Variants in ZZZ3 observed in about 807,000 individuals in gnomAD.
ZZZ3 encodes zinc finger ZZ-type containing 3, also known as ZZ-type zinc finger-containing protein 3.
In ZZZ3, 22 loss-of-function variants were observed where a neutral mutation model predicts 95.2. The ratio of observed to expected loss-of-function variants is 0.23; its 90% CI spans 0.17 to 0.33. The LOEUF is 0.33. ZZZ3 is among the 10% of genes least tolerant of loss of function. The pLI is 1.00. For synonymous variants in ZZZ3, 335 were observed against 358.9 expected (o/e 0.93, Z 0.75); for missense variants, 885 against 1,066.5 (o/e 0.83, Z 2.37).
chr1:77,570,300 T>C (rs900481546), intron 12 of ZZZ3, among the ~76,000 whole-genome samples: 5 of 152,178 alleles, frequency 3.3e-5, no homozygotes, highest in Non-Finnish European at 5.9e-5. Flanking sequence ...AGACGGGGTT[T>C]CACCGTGTTA....
At chr1:77,587,956 T>G (rs903887000) in intron 5 of ZZZ3, among the ~76,000 whole-genome samples, 4 of 152,248 alleles carry the variant, frequency 2.6e-5, no homozygotes, top group Non-Finnish European at 5.9e-5. Context: ...TAACATCTTC[T>G]GTTTTCTAGC....
At chr1:77,599,362 T>C (rs1449281709) in intron 5 of ZZZ3, among the ~76,000 whole-genome samples, 1 of 152,048 alleles carries the variant, frequency 6.6e-6, no homozygotes, top group Non-Finnish European at 1.5e-5. Flanking sequence ...TGAATATACA[T>C]TAGTTATGAT....
intron 1 of ZZZ3, among the ~76,000 whole-genome samples, chr1:77,659,761 G>C (rs2101008070): frequency 6.7e-6 from 1 of 148,334 alleles, no homozygotes; most frequent in South Asian, 2.2e-4. Context: ...AAAAAAAAAA[G>C]TTCCTTTTAA....
At chr1:77,597,260 T>G (rs138161584) in intron 5 of ZZZ3, among the ~76,000 whole-genome samples, 2 of 152,216 alleles carry the variant, frequency 1.3e-5, no homozygotes, top group East Asian at 3.9e-4. Flanking sequence ...AGTACCACAT[T>G]ATAATCCAAA....
At chr1:77,638,781 A>G (rs903335519) in intron 4 of ZZZ3, among the ~76,000 whole-genome samples, 27 of 152,230 alleles carry the variant, frequency 1.8e-4, no homozygotes, top group African/African-American at 5.8e-4. Context: ...TGTAACCAAT[A>G]TGATTCTTTT....
rs756440222 is a variant in ZZZ3, at chr1:77,580,962, T to C, written c.1980+36A>G. On this transcript the variant is annotated intron_variant, in intron 9 of 14. Coordinates refer to ENST00000370801, the MANE Select transcript of ZZZ3 (RefSeq NM_015534.6). ...ACTCTGATGTTAACTGTTTACTTGTTTTTTTAAGCCTACACGATTTTGAAA... is the reference window on the plus strand; with the variant it reads ...ACTCTGATGTTAACTGTTTACTTGTCTTTTTAAGCCTACACGATTTTGAAA... 6 of 1,574,876 alleles carry C rather than the reference T, an allele frequency of 3.8e-6. No individual in the cohort carries two copies. The Admixed American group carries it at 1.0e-4, about 26-fold the overall frequency.
intron 5 of ZZZ3, among the ~76,000 whole-genome samples, chr1:77,628,993 C>T (rs949453696): frequency 4.6e-5 from 7 of 152,096 alleles, no homozygotes; most frequent in Non-Finnish European, 8.8e-5. Context: ...CTTCAAGTGC[C>T]TTTTTTTAAA....
intron 1 of ZZZ3, among the ~76,000 whole-genome samples, chr1:77,668,113 A>T (rs917120602): frequency 6.6e-6 from 1 of 152,060 alleles, no homozygotes; most frequent in African/African-American, 2.4e-5. Flanking sequence ...TTTACTTATG[A>T]GGAAGTCATA....
chr1:77,641,683 C>T, intron 1 of ZZZ3, 28 bp from the exon 2 acceptor site: 1 of 397,068 alleles, frequency 2.5e-6, no homozygotes, highest in Admixed American at 4.4e-5. Context: ...AATATAGTCA[C>T]TATAGATGTG....
At chr1:77,658,643 C>T (rs1423157334) in intron 1 of ZZZ3, among the ~76,000 whole-genome samples, 3 of 152,044 alleles carry the variant, frequency 2.0e-5, no homozygotes, top group African/African-American at 4.8e-5. Flanking sequence ...GGATTACAGG[C>T]GTGAGCCACA....
chr1:77,614,857 T>C (rs1666156686), intron 5 of ZZZ3: 3 of 152,170 alleles, frequency 2.0e-5, no homozygotes, highest in Admixed American at 2.0e-4. Context: ...AAAATATAAA[T>C]AGAACATTCA....
Position 77,632,724 on chromosome 1 carries a change from C to T in ZZZ3, c.631G>A (p.Ala211Thr), listed in dbSNP as rs116097859. ...AVNGVDDSDS[A>T]VINCDDCQPD... ...TGACAGTCATCACAGTTTATAACAG[C>T]TGAATCACTGTCATCAACACCATTG... Residue 211 changes from alanine to threonine, a missense_variant, in exon 5 of 15, where the codon GCT becomes ACT. Around this residue, in one of 5 missense-constraint regions of ZZZ3, gnomAD observed 556 missense variants for 652.9 expected, o/e 0.85. Transcript: ENST00000370801. The T allele has an allele frequency of 1.2e-4, 199 of 1,614,182 alleles. No homozygotes were observed. The African/African-American group carries it at 2.2e-3, about 18-fold the overall frequency.
In ZZZ3 at chr1:77,582,233, T is replaced by C. The variant is rs1336608479; in HGVS notation, c.1645-107A>G. The C allele has an allele frequency of 4.3e-6, 4 of 929,618 alleles. No homozygotes were observed. The African/African-American group carries it at 5.0e-5, about 12-fold the overall frequency. The allele number at this position is 929,618 out of a possible 1,614,324, so 57.6% of individuals were successfully genotyped here. A position where few individuals can be genotyped will look rare whatever the true frequency, so the allele number is the denominator to read the frequency against. On this transcript the variant is annotated intron_variant, in intron 6 of 14. Coordinates refer to ENST00000370801, the MANE Select transcript of ZZZ3 (RefSeq NM_015534.6). ...GATGACTCCAAATCCAAATAATCAA[T>C]GGGGCATTTCTATTCATGTTTAAAT...
chr1:77,598,672 T>C (rs940773080), intron 5 of ZZZ3, among the ~76,000 whole-genome samples: 5 of 152,188 alleles, frequency 3.3e-5, no homozygotes, highest in Non-Finnish European at 7.4e-5. Context: ...TGGTTAAACA[T>C]TAAGACATAG....
chr1:77,577,536 T>C (rs1298498592), intron 11 of ZZZ3, among the ~76,000 whole-genome samples: 2 of 152,216 alleles, frequency 1.3e-5, no homozygotes, highest in African/African-American at 2.4e-5. Context: ...TTTTTTTTAA[T>C]GTGTAAAACA....
At chr1:77,611,564 G>T (rs562342585) in intron 5 of ZZZ3, among the ~76,000 whole-genome samples, 2 of 151,640 alleles carry the variant, frequency 1.3e-5, no homozygotes, top group Admixed American at 6.6e-5. Context: ...ACCCAAAGCC[G>T]GAAGCATCAC....
Position 77,632,745 on chromosome 1 carries a change from C to G in ZZZ3, c.610G>C (p.Gly204Arg). 6.2e-7 allele frequency: 1 copy of G among 1,614,190 alleles called. No individual in the cohort carries two copies. The highest frequency in any genetic ancestry group is 1.3e-5 in the African/African-American group (1 of 75,054). The change falls in exon 5 of 15, where the codon GGT becomes CGT. Residue 204 changes from glycine to arginine, a missense_variant. Transcript: ENST00000370801. ...ACAGCTGAATCACTGTCATCAACAC[C>G]ATTGACAGCCAAATAGCCTGTGATT... ...EEITGYLAVN[G>R]VDDSDSAVIN... is the part of the protein sequence containing the mutation.
In ZZZ3 at chr1:77,576,111, G is replaced by A. The variant is rs754071323; in HGVS notation, c.2288C>T (p.Ser763Phe). 6.2e-7 allele frequency: 1 copy of A among 1,612,548 alleles called. No individual in the cohort carries two copies. Among genetic ancestry groups the A allele is most frequent in the South Asian group, 1.1e-5 (1 of 90,698 alleles). The change falls in exon 12 of 15, where the codon TCT (serine) becomes TTT (phenylalanine). Residue 763 changes from serine to phenylalanine, a missense_variant. Ser to Phe is a radical substitution (Grantham distance 155). Coordinates refer to ENST00000370801, the MANE Select transcript of ZZZ3 (RefSeq NM_015534.6). ...AGTGTTCATGTGGCTATGAAAACAA[G>A]ATCGGTCATCATCTTCATCCATATA... ...PVYMDEDDDR[S>F]CFHSHMNTAV...
In ZZZ3 at chr1:77,576,270, G is replaced by A. The variant is rs374693281; in HGVS notation, c.2179-50C>T. On this transcript the variant is annotated intron_variant, in intron 11 of 14. Coordinates refer to ENST00000370801, the MANE Select transcript of ZZZ3 (RefSeq NM_015534.6). ...TTGGTTCAGTGAAAAATCATTACAA[G>A]AATCAAAAATATAAAAATACAAATG... 5 of 1,440,010 alleles carry A rather than the reference G, an allele frequency of 3.5e-6. No homozygotes were observed. In the African/African-American group the frequency reaches 5.7e-5, roughly 16 times the overall value. The allele number at this position is 1,440,010 out of a possible 1,614,324, so 89.2% of individuals were successfully genotyped here.
Sources: allele counts gnomAD v4.1 joint callset (sites outside exome capture counted in the v4.1 genomes callset), GRCh38; gene constraint gnomAD v4.1.1; regional missense constraint gnomAD v4.1.1; transcripts MANE v1.5; gene names NCBI Gene and HGNC (gene_info 2026-07-23, HGNC 2026-07-21).